The following GPT2 variants were observed in gnomAD, a reference collection of about 807,000 sequenced individuals.
GPT2 encodes the protein alanine aminotransferase 2.
A neutral mutation model predicts 56.9 loss-of-function variants in GPT2; 30 were observed. That is an observed-to-expected ratio of 0.53 (90% CI 0.39 to 0.72). The LOEUF (loss-of-function observed/expected upper bound fraction) is 0.72, where lower values mean the gene tolerates loss of function less well. Among genes scored for constraint, GPT2 ranks in the 30% least tolerant of loss-of-function variants. The probability of loss-of-function intolerance (pLI) is 0.00; values close to 1 mark genes in which losing one functional copy is unlikely to be tolerated. For synonymous variants in GPT2, 271 were observed against 283.1 expected, an observed-to-expected ratio of 0.96 and a Z score of 0.43; for missense variants, 542 against 703.4, an observed-to-expected ratio of 0.77 and a Z score of 2.60.
intron 10 of GPT2, among the ~76,000 whole-genome samples, chr16:46,926,105 T>C (rs1961403605): frequency 7.7e-6 from 1 of 130,260 alleles, no homozygotes; most frequent in South Asian, 2.5e-4. Flanking sequence ...CACTCCATCC[T>C]GGGCGACAGA....
chr16:46,925,628 C>G (rs2143568327), intron 10 of GPT2, among the ~76,000 whole-genome samples: 1 of 152,076 alleles, frequency 6.6e-6, no homozygotes, highest in East Asian at 1.9e-4. Flanking sequence ...CCCAGGAGTT[C>G]GAGACCAGCC....
chr16:46,909,621 T>TG (rs1346874179), intron 5 of GPT2, 63 bp from the exon 6 acceptor site: 1 of 1,573,598 alleles, frequency 6.4e-7, no homozygotes, highest in Non-Finnish European at 8.7e-7. Context: ...GGGCCACGGG[T>TG]GAAAGGCTAG....
intron 4 of GPT2, among the ~76,000 whole-genome samples, chr16:46,901,332 C>T (rs550480145): frequency 1.3e-5 from 2 of 152,320 alleles, no homozygotes; most frequent in South Asian, 2.1e-4. Flanking sequence ...GGCCCTCACT[C>T]ATCCTTTCAG....
At chr16:46,904,181 G>A (rs1420610772) in intron 4 of GPT2, among the ~76,000 whole-genome samples, 3 of 152,202 alleles carry the variant, frequency 2.0e-5, no homozygotes, top group Non-Finnish European at 4.4e-5. Flanking sequence ...GAAGAAACGG[G>A]TAACAGCCCC....
chr16:46,892,496 G>A (rs985055441), intron 2 of GPT2, among the ~76,000 whole-genome samples: 1 of 151,982 alleles, frequency 6.6e-6, no homozygotes, highest in South Asian at 2.1e-4. Flanking sequence ...TTAATTTTTC[G>A]AGGAACCTCC....
At chr16:46,889,519 C>T (rs958219963) in intron 2 of GPT2, among the ~76,000 whole-genome samples, 5 of 152,104 alleles carry the variant, frequency 3.3e-5, no homozygotes, top group Admixed American at 6.6e-5. Flanking sequence ...CCTCCCAAAG[C>T]GCCAGGATTA....
intron 2 of GPT2, among the ~76,000 whole-genome samples, chr16:46,888,337 C>A (rs1462562282): frequency 3.9e-5 from 6 of 152,220 alleles, no homozygotes; most frequent in Non-Finnish European, 8.8e-5. Flanking sequence ...TTTTCTGTGG[C>A]ATTTAGATGC....
chr16:46,906,804 A>T (rs768083912), intron 4 of GPT2, 38 bp from the exon 5 acceptor site: 2 of 1,608,350 alleles, frequency 1.2e-6, no homozygotes, highest in South Asian at 2.2e-5. Flanking sequence ...GGAGCCAGAC[A>T]TCCTGCCTCT....
chr16:46,915,751 C>T (rs980248282), intron 6 of GPT2: 1 of 148,826 alleles, frequency 6.7e-6, no homozygotes, highest in African/African-American at 2.5e-5. Flanking sequence ...ACACTACAGA[C>T]TCACACACAC....
At chr16:46,907,010 T>C (rs977646872) in intron 5 of GPT2, 35 bp downstream of exon 5, 2 of 1,613,152 alleles carry the variant, frequency 1.2e-6, no homozygotes, top group Non-Finnish European at 1.7e-6. Flanking sequence ...TATCCGGTGT[T>C]TACCCACATG....
intron 6 of GPT2, among the ~76,000 whole-genome samples, chr16:46,914,761 T>C (rs1178261713): frequency 6.6e-6 from 1 of 152,160 alleles, no homozygotes; most frequent in African/African-American, 2.4e-5. Flanking sequence ...TGTCCCTGCC[T>C]TGTGGAGCTC....
At chr16:46,906,218 G>A (rs983423519) in intron 4 of GPT2, among the ~76,000 whole-genome samples, 7 of 152,040 alleles carry the variant, frequency 4.6e-5, no homozygotes, top group East Asian at 1.9e-4. Context: ...GACTATAGGC[G>A]CATGCCACCA....
intron 10 of GPT2, 65 bp from the exon 11 acceptor site, chr16:46,926,860 C>A: frequency 9.2e-7 from 1 of 1,090,444 alleles, no homozygotes; most frequent in Non-Finnish European, 1.3e-6. Context: ...TTACATTTGG[C>A]TTTGAGGGTT....
intron 2 of GPT2, among the ~76,000 whole-genome samples, chr16:46,894,727 G>A (rs1212915531): frequency 6.6e-6 from 1 of 151,706 alleles, no homozygotes; most frequent in Non-Finnish European, 1.5e-5. Flanking sequence ...GTGCAGTGGC[G>A]AAATCTCGGC....
At chr16:46,897,081 G>A (rs1399547355) in intron 2 of GPT2, among the ~76,000 whole-genome samples, 1 of 152,120 alleles carries the variant, frequency 6.6e-6, no homozygotes, top group Non-Finnish European at 1.5e-5. Context: ...GTAACAATAA[G>A]TAATAAATAA....
intron 1 of GPT2, 97 bp from the exon 2 acceptor site, chr16:46,884,597 C>G: frequency 8.1e-7 from 1 of 1,238,976 alleles, no homozygotes. Context: ...AGGCTGGCAC[C>G]GCTCGCTGAA....
intron 4 of GPT2, among the ~76,000 whole-genome samples, chr16:46,905,203 C>A (rs140095576): frequency 0.01 from 1,584 of 152,172 alleles, 22 homozygotes; most frequent in African/African-American, 0.036. Flanking sequence ...ATTACAGGCA[C>A]CTGCCACCAT....
At chr16:46,899,762 C>T (rs1960780419) in intron 3 of GPT2, among the ~76,000 whole-genome samples, 1 of 152,194 alleles carries the variant, frequency 6.6e-6, no homozygotes, top group South Asian at 2.1e-4. Context: ...AGGAGAGGTC[C>T]CCTCATGGGC....
At chr16:46,917,525 C>G (rs1961192901) in intron 7 of GPT2, among the ~76,000 whole-genome samples, 1 of 152,162 alleles carries the variant, frequency 6.6e-6, no homozygotes. Context: ...TCTGCTCATT[C>G]TTTTTCTGTT....
Sources: allele counts gnomAD v4.1 joint callset (sites outside exome capture counted in the v4.1 genomes callset), GRCh38; gene constraint gnomAD v4.1.1; transcripts MANE v1.5; gene names NCBI Gene and HGNC (gene_info 2026-07-23, HGNC 2026-07-21).